The following PDE1A variants were observed in gnomAD, a reference collection of about 807,000 sequenced individuals.
PDE1A encodes the protein dual specificity calcium/calmodulin-dependent 3',5'-cyclic nucleotide phosphodiesterase 1A.
Under a neutral mutation model 61.7 loss-of-function variants are expected in PDE1A, and 35 were observed. The observed-to-expected ratio is 0.57, with a 90% CI of 0.43 to 0.75. The LOEUF (loss-of-function observed/expected upper bound fraction) is 0.75, where lower values mean the gene tolerates loss of function less well. Among genes scored for constraint, PDE1A ranks in the 30% least tolerant of loss-of-function variants. The pLI is 0.00. For missense variants in PDE1A, 597 were observed against 630.6 expected, an observed-to-expected ratio of 0.95 and a Z score of 0.57; for synonymous variants, 232 against 213.2, an observed-to-expected ratio of 1.09 and a Z score of -0.77.
At chr2:182,273,178 A>G (rs905601726) in intron 1 of PDE1A, among the ~76,000 whole-genome samples, 2 of 152,130 alleles carry the variant, frequency 1.3e-5, no homozygotes, top group African/African-American at 2.4e-5. Flanking sequence ...ATATCTTTTG[A>G]TAATTAAAAA....
At chr2:182,436,952 T>A (rs1337132219) in intron 2 of PDE1A, among the ~76,000 whole-genome samples, 30 of 151,948 alleles carry the variant, frequency 2.0e-4, no homozygotes, top group Non-Finnish European at 1.2e-4. Flanking sequence ...ACCATATTTT[T>A]AAAATTATAA....
the PDE1A span, among the ~76,000 whole-genome samples, chr2:182,684,675 C>T: frequency 2.6e-3 from 396 of 152,204 alleles, 2 homozygotes; most frequent in African/African-American, 8.7e-3. Context: ...CTCAGCCTCC[C>T]GAGCAGCTGG....
chr2:182,218,705 T>A (rs1040584849), intron 7 of PDE1A, among the ~76,000 whole-genome samples: 1 of 152,158 alleles, frequency 6.6e-6, no homozygotes, highest in African/African-American at 2.4e-5. Context: ...TTTTTCTGCA[T>A]TTATTGATAA....
At chr2:182,360,997 C>T (rs989725291) in intron 1 of PDE1A, among the ~76,000 whole-genome samples, 2 of 152,018 alleles carry the variant, frequency 1.3e-5, no homozygotes, top group African/African-American at 4.8e-5. Context: ...ACATTATTAG[C>T]ATTACCTCAT....
chr2:182,365,048 C>T (rs1308279976), intron 1 of PDE1A, among the ~76,000 whole-genome samples: 2 of 151,992 alleles, frequency 1.3e-5, no homozygotes, highest in Non-Finnish European at 2.9e-5. Context: ...AAGGCAATGC[C>T]TTCCATTACA....
intron 2 of PDE1A, among the ~76,000 whole-genome samples, chr2:182,513,673 C>T (rs1179421738): frequency 6.6e-6 from 1 of 152,158 alleles, no homozygotes; most frequent in Non-Finnish European, 1.5e-5. Context: ...AGAAGCAAGG[C>T]CCAACCTGTA....
intron 13 of PDE1A, among the ~76,000 whole-genome samples, chr2:182,151,505 G>C (rs149136071): frequency 1.3e-5 from 2 of 152,280 alleles, no homozygotes; most frequent in East Asian, 3.9e-4. Flanking sequence ...CAAGGGGCTG[G>C]ATCCTCTGAC....
the PDE1A span, among the ~76,000 whole-genome samples, chr2:182,683,027 C>G: frequency 6.6e-6 from 1 of 151,366 alleles, no homozygotes; most frequent in Non-Finnish European, 1.5e-5. Flanking sequence ...GTGTTATGAT[C>G]AAACATATAT....
the PDE1A span, among the ~76,000 whole-genome samples, chr2:182,580,406 C>T: frequency 6.6e-6 from 1 of 152,130 alleles, no homozygotes; most frequent in African/African-American, 2.4e-5. Context: ...ACACGGTCTG[C>T]CTGCTGTGCC....
intron 1 of PDE1A, among the ~76,000 whole-genome samples, chr2:182,332,183 G>A (rs111480020): frequency 8.7e-4 from 132 of 152,228 alleles, no homozygotes; most frequent in African/African-American, 3.2e-3. Context: ...TTCTCGTGCT[G>A]CATTTTTCAG....
chr2:182,619,606 T>C, the PDE1A span, among the ~76,000 whole-genome samples: 1 of 152,296 alleles, frequency 6.6e-6, no homozygotes, highest in South Asian at 2.1e-4. Flanking sequence ...TCTAAGACAC[T>C]AGCAGATTTT....
intron 13 of PDE1A, among the ~76,000 whole-genome samples, chr2:182,170,935 C>G (rs895781247): frequency 7.2e-5 from 11 of 151,816 alleles, no homozygotes; most frequent in Non-Finnish European, 1.6e-4. Context: ...TATTAAAATA[C>G]TATGTTAATC....
chr2:182,451,989 T>A (rs1456768171), intron 2 of PDE1A, among the ~76,000 whole-genome samples: 1 of 152,018 alleles, frequency 6.6e-6, no homozygotes, highest in African/African-American at 2.4e-5. Flanking sequence ...TTTTTTTTTA[T>A]CTGAGTTTGT....
At chr2:182,678,373 A>G in the PDE1A span, among the ~76,000 whole-genome samples, 1 of 152,192 alleles carries the variant, frequency 6.6e-6, no homozygotes, top group South Asian at 2.1e-4. Flanking sequence ...CAGTGAGCCG[A>G]TATCATGCCA....
chr2:182,353,350 T>C (rs1209928744), intron 1 of PDE1A, among the ~76,000 whole-genome samples: 2 of 152,200 alleles, frequency 1.3e-5, no homozygotes, highest in African/African-American at 4.8e-5. Flanking sequence ...AAATGTAGGC[T>C]CACTTATTGA....
At chr2:182,609,585 A>G in the PDE1A span, among the ~76,000 whole-genome samples, 10 of 152,164 alleles carry the variant, frequency 6.6e-5, 2 homozygotes, top group African/African-American at 2.4e-4. Context: ...GAGCTGTAAC[A>G]CTCACCATGA....
the PDE1A span, among the ~76,000 whole-genome samples, chr2:182,562,148 A>T: frequency 6.6e-6 from 1 of 151,978 alleles, no homozygotes; most frequent in Non-Finnish European, 1.5e-5. Flanking sequence ...TTTCAAAGGG[A>T]ATGCTTCCAG....
chr2:182,496,382 T>C (rs542872982), intron 2 of PDE1A, among the ~76,000 whole-genome samples: 7 of 152,258 alleles, frequency 4.6e-5, no homozygotes, highest in Non-Finnish European at 1.0e-4. Flanking sequence ...TGGTTATGTA[T>C]CTTTTTTATT....
chr2:182,478,697 T>G (rs1687523005), intron 2 of PDE1A, among the ~76,000 whole-genome samples: 1 of 151,902 alleles, frequency 6.6e-6, no homozygotes, highest in Non-Finnish European at 1.5e-5. Context: ...GCCTCCAAAA[T>G]TTTGTGCAAT....
Sources: gnomAD v4.1 joint callset for allele counts (sites outside exome capture counted in the v4.1 genomes callset) on GRCh38, gnomAD v4.1.1 for gene constraint, MANE v1.5 for transcripts, NCBI Gene and HGNC (gene_info 2026-07-23, HGNC 2026-07-21) for gene names.